The following SKIC2 variants were observed in gnomAD, a reference collection of about 807,000 sequenced individuals.
SKIC2 encodes the protein SKI2 subunit of superkiller complex.
the SKIC2 span, chr6:31,960,686 A>C: frequency 6.3e-7 from 1 of 1,588,552 alleles, no homozygotes; most frequent in Non-Finnish European, 8.6e-7. Flanking sequence ...TGAACCCACC[A>C]TAACAGATCT....
the SKIC2 span, chr6:31,968,979 G>A: frequency 7.4e-6 from 12 of 1,612,950 alleles, no homozygotes; most frequent in Admixed American, 1.0e-4. The surrounding 1 kb of genome is among the most constrained non-coding windows in gnomAD (Gnocchi z 6.1). Flanking sequence ...GCTCATGTTT[G>A]ACAATGCACT....
chr6:31,968,878 G>C, the SKIC2 span: 49 of 1,612,602 alleles, frequency 3.0e-5, no homozygotes, highest in Non-Finnish European at 3.5e-5. This position sits in a 1 kb window ranked among gnomAD's most constrained non-coding sequence, Gnocchi z 6.1. Context: ...CAGGTGCTCC[G>C]AACCCTGGGT....
chr6:31,962,965 C>T, the SKIC2 span: 1 of 1,586,896 alleles, frequency 6.3e-7, no homozygotes, highest in Non-Finnish European at 8.6e-7. The surrounding 1 kb of genome is among the most constrained non-coding windows in gnomAD (Gnocchi z 5.0). Flanking sequence ...ATGTGACCTC[C>T]CTTCCCTCTC....
chr6:31,968,340 C>G, the SKIC2 span: 4 of 1,612,670 alleles, frequency 2.5e-6, no homozygotes, highest in Non-Finnish European at 3.4e-6. The surrounding 1 kb of genome is among the most constrained non-coding windows in gnomAD (Gnocchi z 6.1). Flanking sequence ...AGGATCCTCC[C>G]CTTGCAGCCG....
At chr6:31,969,326 A>C in the SKIC2 span, 1 of 1,614,156 alleles carries the variant, frequency 6.2e-7, no homozygotes, top group Non-Finnish European at 8.5e-7. This position sits in a 1 kb window ranked among gnomAD's most constrained non-coding sequence, Gnocchi z 6.1. Flanking sequence ...GGTGAGGTCC[A>C]GGTGGCTTGT....
the SKIC2 span, chr6:31,964,085 G>A: frequency 1.1e-5 from 17 of 1,612,548 alleles, no homozygotes; most frequent in Non-Finnish European, 1.4e-5. The surrounding 1 kb of genome is among the most constrained non-coding windows in gnomAD (Gnocchi z 5.0). Flanking sequence ...CTGCAGCGCT[G>A]CCTTGCTCGC....
chr6:31,969,252 G>A, the SKIC2 span: 2 of 1,612,680 alleles, frequency 1.2e-6, no homozygotes, highest in African/African-American at 1.3e-5. This position sits in a 1 kb window ranked among gnomAD's most constrained non-coding sequence, Gnocchi z 6.1. Flanking sequence ...CAGGAAGGCA[G>A]GCCTTAACCT....
chr6:31,963,834 G>A, the SKIC2 span: 1 of 1,472,914 alleles, frequency 6.8e-7, no homozygotes, highest in Non-Finnish European at 9.4e-7. This position sits in a 1 kb window ranked among gnomAD's most constrained non-coding sequence, Gnocchi z 5.3. Flanking sequence ...TTTGAGCACT[G>A]CCCCAGTTAA....
At chr6:31,961,365 C>G in the SKIC2 span, 4 of 1,559,538 alleles carry the variant, frequency 2.6e-6, no homozygotes, top group Non-Finnish European at 3.4e-6. Context: ...GAGCAAGCAG[C>G]TTGGAAGACC....
At chr6:31,969,144 C>T in the SKIC2 span, 5 of 1,567,830 alleles carry the variant, frequency 3.2e-6, no homozygotes, top group East Asian at 2.3e-5. The surrounding 1 kb of genome is among the most constrained non-coding windows in gnomAD (Gnocchi z 6.1). Flanking sequence ...CTGACCTTCA[C>T]CTTCAGGTAG....
chr6:31,964,129 C>T, the SKIC2 span: 83 of 1,605,434 alleles, frequency 5.2e-5, no homozygotes, highest in East Asian at 2.2e-5. This position sits in a 1 kb window ranked among gnomAD's most constrained non-coding sequence, Gnocchi z 5.0. Flanking sequence ...GCCCCAGGTG[C>T]GTCTGTGTGC....
chr6:31,963,543 G>A, the SKIC2 span: 1 of 1,589,934 alleles, frequency 6.3e-7, no homozygotes, highest in South Asian at 1.1e-5. The surrounding 1 kb of genome is among the most constrained non-coding windows in gnomAD (Gnocchi z 5.3). Context: ...CTCCCGAGGA[G>A]CCTTCCATAC....
At chr6:31,966,326 G>C in the SKIC2 span, among the ~76,000 whole-genome samples, 1 of 151,334 alleles carries the variant, frequency 6.6e-6, no homozygotes, top group African/African-American at 2.4e-5. This position sits in a 1 kb window ranked among gnomAD's most constrained non-coding sequence, Gnocchi z 5.9. Context: ...GGTTGGTCTT[G>C]AACTTCTGGG....
the SKIC2 span, chr6:31,967,899 T>C: frequency 5.6e-6 from 9 of 1,612,796 alleles, no homozygotes; most frequent in Non-Finnish European, 7.6e-6. This position sits in a 1 kb window ranked among gnomAD's most constrained non-coding sequence, Gnocchi z 4.9. Context: ...CTGCCAGCAG[T>C]ATAAGCAGGA....
the SKIC2 span, chr6:31,961,604 T>G: frequency 6.2e-7 from 1 of 1,613,050 alleles, no homozygotes; most frequent in Admixed American, 1.7e-5. Flanking sequence ...TCAGGAGCAG[T>G]GGGCCATCCC....
the SKIC2 span, chr6:31,966,735 G>T: frequency 3.7e-6 from 6 of 1,614,168 alleles, no homozygotes; most frequent in Non-Finnish European, 5.1e-6. This position sits in a 1 kb window ranked among gnomAD's most constrained non-coding sequence, Gnocchi z 5.9. Context: ...TGCAGTCCCA[G>T]TTCCGCCTCA....
At chr6:31,962,878 A>G in the SKIC2 span, 1 of 1,319,498 alleles carries the variant, frequency 7.6e-7, no homozygotes, top group South Asian at 1.2e-5. This position sits in a 1 kb window ranked among gnomAD's most constrained non-coding sequence, Gnocchi z 5.0. Context: ...CCACACACTC[A>G]GGGCCCCTTA....
chr6:31,965,915 G>T, the SKIC2 span: 1 of 1,613,100 alleles, frequency 6.2e-7, no homozygotes, highest in South Asian at 1.1e-5. This position sits in a 1 kb window ranked among gnomAD's most constrained non-coding sequence, Gnocchi z 5.6. Flanking sequence ...GCAGATGGCA[G>T]GCCGGGCAGG....
At chr6:31,963,222 C>A in the SKIC2 span, 1 of 801,946 alleles carries the variant, frequency 1.2e-6, no homozygotes, top group Non-Finnish European at 2.0e-6. This position sits in a 1 kb window ranked among gnomAD's most constrained non-coding sequence, Gnocchi z 5.3. Context: ...CATGTCCCAC[C>A]TGGTGGCTGT....
Sources: gnomAD v4.1 joint callset for allele counts (sites outside exome capture counted in the v4.1 genomes callset) on GRCh38, gnomAD v4.1.1 for gene constraint, Gnocchi (gnomAD v3.1) non-coding constraint, MANE v1.5 for transcripts, NCBI Gene and HGNC (gene_info 2026-07-23, HGNC 2026-07-21) for gene names.